Variants in PPP2R3B observed in about 807,000 individuals in gnomAD.
The protein encoded by PPP2R3B is serine/threonine-protein phosphatase 2A regulatory subunit B'' subunit beta.
In PPP2R3B, 68 loss-of-function variants were observed where a neutral mutation model predicts 72.9. The observed-to-expected ratio is 0.93, with a 90% CI of 0.77 to 1.14. PPP2R3B has a LOEUF of 1.14. PPP2R3B is among the 50% of genes most tolerant of loss of function. The pLI is 0.00. For missense variants in PPP2R3B, 1,018 were observed against 842.0 expected, an observed-to-expected ratio of 1.21 and a Z score of -2.59; for synonymous variants, 466 against 375.8, an observed-to-expected ratio of 1.24 and a Z score of -2.78.
chrX:341,012 G>A lies in PPP2R3B; in HGVS notation c.1176-72C>T, dbSNP rs1402976104. 5 of 1,556,036 alleles carry A rather than the reference G, an allele frequency of 3.2e-6. No homozygotes were observed. The Admixed American group carries it at 7.0e-5, about 22-fold the overall frequency. On this transcript the variant is annotated intron_variant, in intron 9 of 12. Transcript: ENST00000390665. ...CCCGTGACCTGCAGCCCCTGAGGCA[G>A]CCCCCACCGGGGGTGCACGCGTCCC...
chrX:381,660 G>A (rs1413868396), intron 1 of PPP2R3B, among the ~76,000 whole-genome samples: 6 of 143,630 alleles, frequency 4.2e-5, no homozygotes, highest in Admixed American at 2.9e-4. Flanking sequence ...GTGCAGTGGC[G>A]CGATCTCAGC....
chrX:341,099 G>C (rs189110495), intron 9 of PPP2R3B, 159 bp from the exon 10 acceptor site: 1 of 639,512 alleles, frequency 1.6e-6, no homozygotes, highest in African/African-American at 2.4e-5. Context: ...CGCCCCCACC[G>C]GGCGCGCACG....
At chrX:344,186 G>A (rs1299069172) in intron 7 of PPP2R3B, among the ~76,000 whole-genome samples, 2 of 91,122 alleles carry the variant, frequency 2.2e-5, no homozygotes, top group Non-Finnish European at 5.0e-5. Flanking sequence ...AACGGGAGGC[G>A]GGAGTGAGAC....
chrX:376,533 T>C (rs2071999921), intron 1 of PPP2R3B, among the ~76,000 whole-genome samples: 1 of 133,544 alleles, frequency 7.5e-6, no homozygotes, highest in South Asian at 2.4e-4. Flanking sequence ...GGACGGGCCG[T>C]CCACACCCAG....
chrX:343,831 AGGCGGT>A, intron 7 of PPP2R3B, among the ~76,000 whole-genome samples: 1 of 29,448 alleles, frequency 3.4e-5, no homozygotes, highest in African/African-American at 1.9e-4. Flanking sequence ...CAGCAACGGG[AGGCGGT>A]AGGGAGACCT....
At chrX:377,966 C>T (rs892627327) in intron 1 of PPP2R3B, among the ~76,000 whole-genome samples, 1 of 150,166 alleles carries the variant, frequency 6.7e-6, no homozygotes, top group African/African-American at 2.5e-5. Flanking sequence ...CAGGGACGGG[C>T]CGTCTACAGT....
intron 8 of PPP2R3B, 61 bp from the exon 9 acceptor site, chrX:341,457 G>T (rs1238667366): frequency 5.1e-6 from 8 of 1,567,840 alleles, no homozygotes; most frequent in Non-Finnish European, 7.0e-6. Context: ...TCACAGGAAC[G>T]GAGCCCCTGT....
intron 1 of PPP2R3B, among the ~76,000 whole-genome samples, chrX:372,954 C>T (rs2071898562): frequency 6.6e-6 from 1 of 152,074 alleles, no homozygotes; most frequent in Non-Finnish European, 1.5e-5. Context: ...AAATAAATTT[C>T]AAAGCCACTG....
rs1423382855 is a variant in PPP2R3B, at chrX:347,601, G to C, written c.603C>G (p.Ala201=). The C allele has an allele frequency of 6.3e-7, 1 of 1,578,128 alleles. No homozygotes were observed. The highest frequency in any genetic ancestry group is 8.6e-7 in the Non-Finnish European group (1 of 1,161,504). Reference sequence around the variant, plus strand: ...AGCCCAGGACTCACTTTCTCCACATGGCGACGAACTTGTGGACGGACACGG... The same window carrying C: ...AGCCCAGGACTCACTTTCTCCACATCGCGACGAACTTGTGGACGGACACGG... ...TGSVSVHKFV[A]MWRKILQNCH... Residue 201 remains alanine (A), a synonymous_variant, in exon 3 of 13, where the codon GCC becomes GCG. Coordinates refer to ENST00000390665, the MANE Select transcript of PPP2R3B (RefSeq NM_013239.5).
At chrX:334,847 G>T in intron 12 of PPP2R3B, 1 of 300,388 alleles carries the variant, frequency 3.3e-6, no homozygotes, top group Non-Finnish European at 6.1e-6. Flanking sequence ...CTGGGTCGTG[G>T]TGTCCACACA....
chrX:378,196 G>A (rs1382795531), intron 1 of PPP2R3B, among the ~76,000 whole-genome samples: 35 of 152,286 alleles, frequency 2.3e-4, no homozygotes, highest in East Asian at 5.8e-4. Context: ...CATCTGGGCC[G>A]ATGAAGCCCC....
At chrX:363,349 C>CACAAT (rs2071588194) in intron 1 of PPP2R3B, among the ~76,000 whole-genome samples, 1 of 145,316 alleles carries the variant, frequency 6.9e-6, no homozygotes, top group East Asian at 2.1e-4. Context: ...CCCACCATCC[C>CACAAT]GCAGTGCATC....
chrX:378,362 G>A (rs1158316384), intron 1 of PPP2R3B, among the ~76,000 whole-genome samples: 2 of 152,140 alleles, frequency 1.3e-5, no homozygotes, highest in African/African-American at 4.8e-5. Context: ...TTGTTCAGAC[G>A]GCTTGTTTTA....
At chrX:347,386 G>C (rs769879998) in intron 3 of PPP2R3B, 50 bp from the exon 4 acceptor site, 2 of 1,536,582 alleles carry the variant, frequency 1.3e-6, no homozygotes, top group African/African-American at 1.4e-5. Context: ...GGTGGCTTTC[G>C]ACCCCGCAGA....
rs759745960 is a variant in PPP2R3B at position 341,293 on chromosome X, C to T, written c.1175+14G>A. On this transcript the variant is annotated intron_variant, in intron 9 of 12. Transcript: ENST00000390665. ...CCTCCACTGGGACAAACGCATGCCG[C>T]AGCAGGAACCCACCTGGTCGGTGTT... is the stretch of plus-strand genomic sequence containing the variant. The T allele has an allele frequency of 6.2e-7, 1 of 1,612,316 alleles. No homozygotes were observed. The highest frequency in any genetic ancestry group is 8.5e-7 in the Non-Finnish European group (1 of 1,179,628).
chrX:347,379 G>T, intron 3 of PPP2R3B, 43 bp from the exon 4 acceptor site: 1 of 1,578,206 alleles, frequency 6.3e-7, no homozygotes, highest in Non-Finnish European at 8.7e-7. Flanking sequence ...ACAGGGGGGT[G>T]GCTTTCGACC....
At chrX:342,234 A>G in intron 7 of PPP2R3B, 2 of 559,910 alleles carry the variant, frequency 3.6e-6, no homozygotes, top group Non-Finnish European at 6.4e-6. Context: ...ACGGAGAGAG[A>G]GACCTCGAGT....
chrX:368,916 C>T (rs2071794626), intron 1 of PPP2R3B, among the ~76,000 whole-genome samples: 1 of 152,156 alleles, frequency 6.6e-6, no homozygotes, highest in South Asian at 2.1e-4. Flanking sequence ...GGACCACCCA[C>T]CATGGGCACT....
chrX:366,987 C>G (rs367723965), intron 1 of PPP2R3B, among the ~76,000 whole-genome samples: 14 of 133,928 alleles, frequency 1.0e-4, no homozygotes, highest in Non-Finnish European at 2.0e-4. Context: ...GAGGTCGCAC[C>G]ACTGTCCTCC....
Sources: allele counts gnomAD v4.1 joint callset (sites outside exome capture counted in the v4.1 genomes callset), GRCh38; gene constraint gnomAD v4.1.1; transcripts MANE v1.5; gene names NCBI Gene and HGNC (gene_info 2026-07-23, HGNC 2026-07-21).